The following DLG2 variants were observed in gnomAD, a reference collection of about 807,000 sequenced individuals.
DLG2 encodes discs large MAGUK scaffold protein 2.
In DLG2, 45 loss-of-function variants were observed where a neutral mutation model predicts 132.5. The observed-to-expected ratio is 0.34, with a 90% CI of 0.27 to 0.44. DLG2 has a LOEUF of 0.44. Among genes scored for constraint, DLG2 ranks in the 20% least tolerant of loss-of-function variants. The pLI, the probability that DLG2 is intolerant of heterozygous loss-of-function variation, is 1.00. For missense variants in DLG2, 1,045 were observed against 1,196.9 expected (o/e 0.87, Z 1.87); for synonymous variants, 424 against 419.6 (o/e 1.01, Z -0.13).
chr11:84,923,341 A>T (rs2092848192), intron 6 of DLG2: 2 of 1,234,000 alleles, frequency 1.6e-6, no homozygotes, highest in African/African-American at 3.1e-5. Flanking sequence ...TATGCCCAGT[A>T]ATTTCAATTA....
At chr11:84,378,002 C>G (rs1719038779) in intron 7 of DLG2, among the ~76,000 whole-genome samples, 1 of 152,146 alleles carries the variant, frequency 6.6e-6, no homozygotes, top group African/African-American at 2.4e-5. Flanking sequence ...AGCCCAAATC[C>G]TCATTCTATC....
chr11:83,912,257 G>A (rs1039110608), intron 15 of DLG2, among the ~76,000 whole-genome samples: 2 of 152,172 alleles, frequency 1.3e-5, no homozygotes, highest in East Asian at 1.9e-4. Flanking sequence ...TATTGATGAC[G>A]ACTTGTATAT....
chr11:85,527,186 T>A (rs1185595135), intron 3 of DLG2, among the ~76,000 whole-genome samples: 1 of 151,980 alleles, frequency 6.6e-6, no homozygotes, highest in Non-Finnish European at 1.5e-5. Context: ...ATTTTTTTTT[T>A]TTTTTATTTT....
intron 6 of DLG2, among the ~76,000 whole-genome samples, chr11:84,787,939 C>CA (rs35771669): frequency 0.5 from 70,571 of 140,726 alleles, 17,670 homozygotes; most frequent in African/African-American, 0.52. Context: ...TCTCTACTTA[C>CA]AAAAAAAAAA....
chr11:85,051,093 C>T (rs1015248151), intron 6 of DLG2, among the ~76,000 whole-genome samples: 2 of 152,044 alleles, frequency 1.3e-5, no homozygotes, highest in Non-Finnish European at 2.9e-5. Flanking sequence ...GGGTAAAATG[C>T]ATTAAGTTCC....
At position 84,286,987 on chromosome 11, in the gene DLG2, C is replaced by G. The variant is rs144142660; in HGVS notation, c.520-35696G>C. 5.2e-4 allele frequency among the ~76,000 whole-genome samples: 79 copies of G among 152,252 alleles called. No homozygotes were observed. The Middle Eastern group carries it at 0.01, about 20-fold the overall frequency. Reference sequence around the variant, plus strand: ...AATGTCTGATCTTGACCAGATTACTCTACACTTTGGGCCTCAGTTTCCTCA... The same window carrying G: ...AATGTCTGATCTTGACCAGATTACTGTACACTTTGGGCCTCAGTTTCCTCA... On this transcript the variant is annotated intron_variant, in intron 7 of 27. Transcript: ENST00000376104.
rs34476380 is a variant in DLG2 at position 84,402,881 on chromosome 11, C to CAAAAAAAAAAA, written c.519+131678_519+131688dup. Among the ~76,000 whole-genome samples, 181 of 73,856 alleles carry CAAAAAAAAAAA rather than the reference C, an allele frequency of 2.5e-3. 21 individuals are homozygous for CAAAAAAAAAAA. Among genetic ancestry groups the CAAAAAAAAAAA allele is most frequent in the African/African-American group, 0.013 (121 of 9,546 alleles). The allele number at this position is 73,856 out of a possible 152,430, so 48.5% of individuals were successfully genotyped here. On this transcript the variant is annotated intron_variant, in intron 7 of 27. Coordinates refer to ENST00000376104, the MANE Select transcript of DLG2 (RefSeq NM_001142699.3). ...TGGGCGACAGAGCGAAACTCCGTCT[C>CAAAAAAAAAAA]AAAAAAAAAAAAAAAAAAAATTAAC...
intron 6 of DLG2, among the ~76,000 whole-genome samples, chr11:84,895,699 T>C (rs1386935231): frequency 3.3e-5 from 5 of 152,164 alleles, no homozygotes; most frequent in Non-Finnish European, 7.4e-5. Context: ...CTTCCAAAAA[T>C]ATCTGTTTCT....
chr11:84,063,987 T>A (rs1396084341), intron 10 of DLG2, among the ~76,000 whole-genome samples: 1 of 151,826 alleles, frequency 6.6e-6, no homozygotes, highest in Non-Finnish European at 1.5e-5. Flanking sequence ...GGGGGAGGGA[T>A]AGCATTAGGA....
chr11:83,515,169 G>C (rs1170960213), intron 21 of DLG2, among the ~76,000 whole-genome samples: 1 of 151,942 alleles, frequency 6.6e-6, no homozygotes. Flanking sequence ...GACTTTTTTT[G>C]GTTGGTAAGC....
At chr11:85,620,688 G>C (rs1424304968) in intron 2 of DLG2, among the ~76,000 whole-genome samples, 1 of 152,208 alleles carries the variant, frequency 6.6e-6, no homozygotes, top group Non-Finnish European at 1.5e-5. Flanking sequence ...GTCTAATCCA[G>C]AGCAAGGCCC....
chr11:84,995,336 C>CTAAG (rs537523458), intron 6 of DLG2, among the ~76,000 whole-genome samples: 31 of 152,170 alleles, frequency 2.0e-4, no homozygotes, highest in Non-Finnish European at 3.4e-4. Flanking sequence ...CCACCACTTA[C>CTAAG]TAAGATACAT....
At chr11:84,482,929 A>C (rs1213259498) in intron 7 of DLG2, among the ~76,000 whole-genome samples, 1 of 152,198 alleles carries the variant, frequency 6.6e-6, no homozygotes, top group Non-Finnish European at 1.5e-5. Flanking sequence ...ATTTGCCAAA[A>C]TATTTTAGTG....
At chr11:84,025,866 C>T (rs1566092422) in intron 11 of DLG2, among the ~76,000 whole-genome samples, 1 of 151,808 alleles carries the variant, frequency 6.6e-6, no homozygotes, top group Admixed American at 6.6e-5. Flanking sequence ...AGGACCAAAG[C>T]CAAATTGTGT....
chr11:83,768,274 T>C (rs1165679575), intron 18 of DLG2, among the ~76,000 whole-genome samples: 1 of 152,234 alleles, frequency 6.6e-6, no homozygotes, highest in South Asian at 2.1e-4. Context: ...GAGCCAAATA[T>C]CTTGCTCCTT....
intron 14 of DLG2, among the ~76,000 whole-genome samples, chr11:83,961,807 C>T (rs1345207179): frequency 2.6e-5 from 4 of 152,028 alleles, no homozygotes; most frequent in African/African-American, 7.2e-5. Flanking sequence ...CCGCAGCCCT[C>T]ATTTTAATTA....
At chr11:84,423,702 T>G (rs1055441055) in intron 7 of DLG2, among the ~76,000 whole-genome samples, 1 of 151,526 alleles carries the variant, frequency 6.6e-6, no homozygotes, top group African/African-American at 2.4e-5. Context: ...AGATTATCTT[T>G]TAATTACTCA....
intron 3 of DLG2, among the ~76,000 whole-genome samples, chr11:85,292,700 A>AG (rs2078985432): frequency 9.2e-5 from 2 of 21,748 alleles, no homozygotes; most frequent in African/African-American, 1.4e-4. Flanking sequence ...GAGGGAGGGA[A>AG]GGAAGGAGGG....
At chr11:85,077,848 T>C (rs1343752635) in intron 6 of DLG2, among the ~76,000 whole-genome samples, 1 of 152,070 alleles carries the variant, frequency 6.6e-6, no homozygotes, top group East Asian at 1.9e-4. Flanking sequence ...CTCCATTATA[T>C]ATGACCAAGA....
Sources: allele counts gnomAD v4.1 joint callset (sites outside exome capture counted in the v4.1 genomes callset), GRCh38; gene constraint gnomAD v4.1.1; transcripts MANE v1.5; gene names NCBI Gene and HGNC (gene_info 2026-07-23, HGNC 2026-07-21).